TNS1: variants seen among roughly 807,000 people sequenced by gnomAD.
TNS1 encodes the protein tensin-1.
Under a neutral mutation model 168.6 loss-of-function variants are expected in TNS1, and 62 were observed. That is an observed-to-expected ratio of 0.37 (90% confidence interval 0.30 to 0.45). TNS1 has a LOEUF of 0.45. Ranked by LOEUF, TNS1 falls within the 20% of genes least tolerant of loss-of-function variation. TNS1 has a pLI of 1.00. For missense variants in TNS1, 2,240 were observed against 2,339.4 expected (o/e 0.96, Z 0.88); for synonymous variants, 934 against 933.2 (o/e 1.00, Z -0.02).
chr2:218,020,677 C>A (rs1471091462), intron 1 of TNS1, among the ~76,000 whole-genome samples: 2 of 152,178 alleles, frequency 1.3e-5, no homozygotes, highest in Non-Finnish European at 2.9e-5. Context: ...CCTGGGGGTT[C>A]TGAGTTAAAG....
chr2:217,808,095 T>C lies in TNS1; in HGVS notation c.5355A>G (p.Thr1785=). 1 of 1,613,174 alleles carries C rather than the reference T, an allele frequency of 6.2e-7. No individual in the cohort carries two copies. Among genetic ancestry groups the C allele is most frequent in the Non-Finnish European group, 8.5e-7 (1 of 1,179,976 alleles). Residue 1785 remains threonine (T), a synonymous_variant, in exon 32 of 33, where the codon ACA becomes ACG. Coordinates refer to ENST00000682258, the MANE Select transcript of TNS1 (RefSeq NM_001387777.1). ...CTTACTTAGCAGGGGCACCACCCTCTGTTTTCATCCACCTGTGGAGAGAAA... is the reference window on the plus strand; with the variant it reads ...CTTACTTAGCAGGGGCACCACCCTCCGTTTTCATCCACCTGTGGAGAGAAA... ...LDPQERKWMK[T]EGGAPAKLFG...
At chr2:217,808,529 G>GCACATGCATGCACCCA (rs1939690564) in intron 31 of TNS1, 74 bp downstream of exon 31, 1 of 1,316,930 alleles carries the variant, frequency 7.6e-7, no homozygotes, top group African/African-American at 1.5e-5. Context: ...ACACACACAT[G>GCACATGCATGCACCCA]CACATGCATG....
chr2:217,931,729 G>A (rs11895557), intron 3 of TNS1, among the ~76,000 whole-genome samples: 61,044 of 152,106 alleles, frequency 0.4, 16,718 homozygotes, highest in African/African-American at 0.79. Flanking sequence ...CATCAACTGA[G>A]TAACAGTTTT....
At chr2:217,881,059 G>T (rs1375998626) in intron 17 of TNS1, 45 bp from the exon 18 acceptor site, 2 of 1,384,712 alleles carry the variant, frequency 1.4e-6, no homozygotes, top group Non-Finnish European at 1.0e-6. Flanking sequence ...AGACAGTGCA[G>T]AGAGGGAAAA....
intron 22 of TNS1, among the ~76,000 whole-genome samples, chr2:217,830,859 A>G (rs1343594779): frequency 6.6e-6 from 1 of 152,072 alleles, no homozygotes; most frequent in Non-Finnish European, 1.5e-5. Flanking sequence ...GATCGAGGAA[A>G]CGGCAGGCAA....
chr2:217,955,985 A>G (rs975571126), intron 3 of TNS1, among the ~76,000 whole-genome samples: 1 of 152,050 alleles, frequency 6.6e-6, no homozygotes, highest in African/African-American at 2.4e-5. Flanking sequence ...AGCTGCCTTG[A>G]AGTGGGAGGG....
At chr2:217,928,921 C>T (rs940407875) in intron 3 of TNS1, among the ~76,000 whole-genome samples, 1 of 152,168 alleles carries the variant, frequency 6.6e-6, no homozygotes, top group Non-Finnish European at 1.5e-5. Context: ...AGAACCTCCC[C>T]ACCTCTAACC....
chr2:217,843,265 C>T (rs1946225705), intron 19 of TNS1, among the ~76,000 whole-genome samples: 1 of 152,086 alleles, frequency 6.6e-6, no homozygotes, highest in African/African-American at 2.4e-5. Flanking sequence ...GCCTAATTTA[C>T]CTACATGGGC....
At chr2:217,949,138 C>T (rs994055999) in intron 3 of TNS1, among the ~76,000 whole-genome samples, 5 of 152,202 alleles carry the variant, frequency 3.3e-5, no homozygotes, top group Non-Finnish European at 4.4e-5. Context: ...TCCAGCCCGA[C>T]TCAGCCTCCA....
In TNS1 at chr2:217,860,829, C is replaced by T. The variant is rs556595986; in HGVS notation, c.1430-11742G>A. On this transcript the variant is annotated intron_variant, in intron 18 of 32. Coordinates refer to ENST00000682258, the MANE Select transcript of TNS1 (RefSeq NM_001387777.1). ...ATATATAATTAGCAGTCTGACCATACTTTGGAACCTGAACCTTACTTTGGA... is the reference window on the plus strand; with the variant it reads ...ATATATAATTAGCAGTCTGACCATATTTTGGAACCTGAACCTTACTTTGGA... Among the ~76,000 whole-genome samples, 5 of 152,260 alleles carry T rather than the reference C, an allele frequency of 3.3e-5. No homozygotes were observed. The East Asian group carries it at 5.8e-4, about 18-fold the overall frequency.
At chr2:217,809,328 G>C (rs1483628759) in intron 30 of TNS1, among the ~76,000 whole-genome samples, 16 of 69,816 alleles carry the variant, frequency 2.3e-4, no homozygotes, top group South Asian at 4.5e-4. Context: ...TGGATGGATG[G>C]ATGGATGGAT....
At chr2:217,929,329 T>C (rs1956193982) in intron 3 of TNS1, among the ~76,000 whole-genome samples, 2 of 151,746 alleles carry the variant, frequency 1.3e-5, no homozygotes, top group Admixed American at 1.3e-4. Context: ...CTGGGAGAGG[T>C]GAGGCTGCAC....
intron 19 of TNS1, among the ~76,000 whole-genome samples, chr2:217,846,251 A>G (rs1946630696): frequency 6.6e-6 from 1 of 152,076 alleles, no homozygotes; most frequent in African/African-American, 2.4e-5. Flanking sequence ...TACTCCTGCA[A>G]TGGCCAATTT....
At position 218,033,969 on chromosome 2, in the gene TNS1, A is replaced by C. The variant is rs1436117712; in HGVS notation, c.7T>G (p.Cys3Gly). Residue 3 changes from cysteine (C) to glycine (G), a missense_variant, in exon 1 of 2, where the codon TGC becomes GGC. Transcript: ENST00000649572. The surrounding 1 kb of genome is among the most constrained non-coding windows in gnomAD (Gnocchi z 4.3). ...TCGCAGCACACCAGGCTCACAGTGC[A>C]GCCCATCCGGCCTGGCGCCCCGGCG... 6.6e-6 allele frequency among the ~76,000 whole-genome samples: 1 copy of C among 152,198 alleles called. No homozygotes were observed. The highest frequency in any genetic ancestry group is 1.5e-5 in the Non-Finnish European group (1 of 68,014).
chr2:217,958,573 C>G (rs1334306695), intron 3 of TNS1, among the ~76,000 whole-genome samples: 1 of 152,180 alleles, frequency 6.6e-6, no homozygotes, highest in Non-Finnish European at 1.5e-5. Context: ...TCTCCAATCC[C>G]CACATAGCCC....
intron 18 of TNS1, chr2:217,850,449 T>C (rs1947308801): frequency 6.1e-6 from 6 of 985,036 alleles, no homozygotes; most frequent in African/African-American, 1.8e-5. Context: ...CAACACTTTC[T>C]CTGGAAGGAA....
chr2:217,865,101 AG>A (rs1454270052), intron 18 of TNS1, among the ~76,000 whole-genome samples: 1 of 152,058 alleles, frequency 6.6e-6, no homozygotes, highest in Non-Finnish European at 1.5e-5. Flanking sequence ...TTGTGAGCAG[AG>A]GGGTCCATGT....
upstream of TNS1, among the ~76,000 whole-genome samples, chr2:218,014,921 A>AAGGAAGGAAGGAAGGC (rs1260656732): frequency 6.6e-4 from 50 of 76,292 alleles, no homozygotes; most frequent in African/African-American, 1.5e-3. Flanking sequence ...GGAAGGAAGG[A>AAGGAAGGAAGGAAGGC]AGGCAGGCAG....
chr2:217,924,297 TTC>T (rs149299331), intron 3 of TNS1, among the ~76,000 whole-genome samples: 31 of 149,788 alleles, frequency 2.1e-4, no homozygotes, highest in Non-Finnish European at 2.5e-4. Context: ...TCCCTTATGT[TTC>T]TCTCTCTCTC....
Sources: allele counts gnomAD v4.1 joint callset (sites outside exome capture counted in the v4.1 genomes callset), GRCh38; gene constraint gnomAD v4.1.1; non-coding constraint Gnocchi (gnomAD v3.1); transcripts MANE v1.5; gene names NCBI Gene and HGNC (gene_info 2026-07-23, HGNC 2026-07-21).